The following MKKS variants were observed in gnomAD, a reference collection of about 807,000 sequenced individuals.
MKKS encodes the protein MKKS centrosomal shuttling protein, also known as molecular chaperone MKKS.
A neutral mutation model predicts 33.2 loss-of-function variants in MKKS; 29 were observed. That is an observed-to-expected ratio of 0.87 (90% CI 0.65 to 1.19). The LOEUF is 1.19. Ranked by LOEUF, MKKS falls within the 50% of genes most tolerant of loss-of-function variation. The pLI is 0.00. For synonymous variants in MKKS, 260 were observed against 244.0 expected (o/e 1.07, Z -0.61); for missense variants, 661 against 662.3 (o/e 1.00, Z 0.02).
intron 2 of MKKS, among the ~76,000 whole-genome samples, chr20:10,414,261 G>A (rs959852178): frequency 1.4e-5 from 2 of 143,102 alleles, no homozygotes; most frequent in South Asian, 4.7e-4. Context: ...TTAGGTCTCT[G>A]AGTCTTTTTT....
chr20:10,427,147 T>C (rs1182304600), intron 1 of MKKS, among the ~76,000 whole-genome samples: 1 of 151,284 alleles, frequency 6.6e-6, no homozygotes, highest in Non-Finnish European at 1.5e-5. Flanking sequence ...GATCTAGCCA[T>C]CAGATTATTC....
chr20:10,417,231 G>A (rs993883689), intron 2 of MKKS, among the ~76,000 whole-genome samples: 9 of 132,976 alleles, frequency 6.8e-5, no homozygotes, highest in African/African-American at 2.6e-4. Flanking sequence ...GGGTGACAGA[G>A]TGAGACTCCA....
At chr20:10,421,920 C>T (rs2064983230) in intron 1 of MKKS, among the ~76,000 whole-genome samples, 1 of 152,028 alleles carries the variant, frequency 6.6e-6, no homozygotes, top group Admixed American at 6.6e-5. Flanking sequence ...ACTGCTCCAC[C>T]ATCTATGAGA....
chr20:10,423,162 T>C (rs2064993139), intron 1 of MKKS, among the ~76,000 whole-genome samples: 1 of 152,000 alleles, frequency 6.6e-6, no homozygotes, highest in Non-Finnish European at 1.5e-5. Flanking sequence ...TAGGGCCAGG[T>C]GCAGTGGCTC....
Position 10,412,824 on chromosome 20 carries a change from A to G in MKKS, c.691T>C (p.Leu231=), listed in dbSNP as rs2064901670. Residue 231 remains leucine (L), a synonymous_variant, in exon 3 of 6, where the codon TTA becomes CTA. Coordinates refer to ENST00000347364, the MANE Select transcript of MKKS (RefSeq NM_170784.3). ...EMSEVQLMRL[L]PIKKSTALKV... is the part of the protein sequence containing the mutation. ...AGGGCAGTTGATTTTTTGATAGGTAATAGCCTCATTAATTGAACTTCTGAC... is the reference window on the plus strand; with the variant it reads ...AGGGCAGTTGATTTTTTGATAGGTAGTAGCCTCATTAATTGAACTTCTGAC... 6.2e-7 allele frequency: 1 copy of G among 1,614,066 alleles called. No individual in the cohort carries two copies. The highest frequency in any genetic ancestry group is 1.7e-5 in the Admixed American group (1 of 60,002).
intron 2 of MKKS, among the ~76,000 whole-genome samples, chr20:10,417,337 G>A (rs1281492241): frequency 1.3e-5 from 2 of 152,052 alleles, no homozygotes; most frequent in African/African-American, 2.4e-5. Context: ...CTGGCTAGAC[G>A]CAGTGGCTCT....
rs756283355 is a variant in MKKS, at chr20:10,412,876, A to C, written c.639T>G (p.Thr213=). Residue 213 remains threonine (T), a synonymous_variant, in exon 3 of 6, where the codon ACT becomes ACG. Transcript: ENST00000347364. The stretch of plus-strand genomic sequence containing the variant: ...TTTCAATGAGTATCCCAGGTAATAC[A>C]GTGGAATCTATAACTCTTTGACCTT... ...PLKGQRVIDS[T]VLPGILIEMS... 6.2e-7 allele frequency: 1 copy of C among 1,614,166 alleles called. No homozygotes were observed. Among genetic ancestry groups the C allele is most frequent in the South Asian group, 1.1e-5 (1 of 91,078 alleles).
At position 10,403,301 on chromosome 20, in the gene MKKS, A is replaced by C. The variant is rs998991553; in HGVS notation, c.*1946T>G. ...GTATTCTATTCATTAGAAGCTAGTC[A>C]TTAGGTCCCACCTACACCCAGAGAG... is the stretch of plus-strand genomic sequence containing the variant. On this transcript the variant is annotated 3_prime_UTR_variant, in exon 6 of 6. Transcript: ENST00000347364. 1 of 152,160 alleles carries C rather than the reference A, an allele frequency of 6.6e-6. No individual in the cohort carries two copies. Among genetic ancestry groups the C allele is most frequent in the Non-Finnish European group, 1.5e-5 (1 of 68,028 alleles). 9.4% of individuals were successfully genotyped at this position (152,160 alleles called of 1,614,324 possible). A position where few individuals can be genotyped will look rare whatever the true frequency, so the allele number is the denominator to read the frequency against.
At chr20:10,419,152 T>C (rs1483253861) in intron 2 of MKKS, among the ~76,000 whole-genome samples, 1 of 152,156 alleles carries the variant, frequency 6.6e-6, no homozygotes, top group African/African-American at 2.4e-5. Context: ...GAGGTTCTTC[T>C]TCCATAAAGA....
chr20:10,404,927 T>G lies in MKKS; in HGVS notation c.*320A>C. 5.0e-6 allele frequency: 1 copy of G among 202,016 alleles called. No individual in the cohort carries two copies. Among genetic ancestry groups the G allele is most frequent in the Non-Finnish European group, 1.0e-5 (1 of 98,876 alleles). 12.5% of individuals were successfully genotyped at this position (202,016 alleles called of 1,614,324 possible). A position where few individuals can be genotyped will look rare whatever the true frequency, so the allele number is the denominator to read the frequency against. On this transcript the variant is annotated 3_prime_UTR_variant, in exon 6 of 6. Transcript: ENST00000347364. ...ATGTATATCCAAACTAGAGCATGGA[T>G]TAGGAGTCTTTTTTATTTGTTTGCT...
In MKKS at chr20:10,413,131, G is replaced by C; in HGVS notation, c.384C>G (p.Ile128Met). The change falls in exon 3 of 6, where the codon ATC becomes ATG. Residue 128 changes from isoleucine (I) to methionine (M), a missense_variant. Physicochemically the swap from Ile to Met is conservative, Grantham distance 10. Transcript: ENST00000347364. ...CACAGGTCTCAGACTTGAGATAACT[G>C]ATGCAAAGACTCAAAAGATGTTTAT... ...RLNKHLLSLC[I>M]SYLKSETCGC... 6.2e-7 allele frequency: 1 copy of C among 1,614,088 alleles called. No individual in the cohort carries two copies. Among genetic ancestry groups the C allele is most frequent in the African/African-American group, 1.3e-5 (1 of 75,054 alleles).
intron 2 of MKKS, among the ~76,000 whole-genome samples, chr20:10,418,685 T>C (rs1649059417): frequency 6.6e-6 from 1 of 152,168 alleles, no homozygotes; most frequent in Admixed American, 6.6e-5. Flanking sequence ...TCCAAGAGTA[T>C]TTCTTTTTGC....
intron 2 of MKKS, among the ~76,000 whole-genome samples, chr20:10,419,951 A>G (rs2064967786): frequency 1.3e-5 from 2 of 152,234 alleles, no homozygotes; most frequent in Admixed American, 1.3e-4. Context: ...ACTGCACTGC[A>G]AATTGCCTCA....
chr20:10,433,217 G>A (rs1297596179), intron 1 of MKKS, among the ~76,000 whole-genome samples: 2 of 152,222 alleles, frequency 1.3e-5, no homozygotes, highest in Admixed American at 6.5e-5. Context: ...CGTTGGCCTG[G>A]CTGGCCCCAA....
chr20:10,416,255 A>G (rs989819209), intron 2 of MKKS, among the ~76,000 whole-genome samples: 25 of 152,214 alleles, frequency 1.6e-4, no homozygotes, highest in African/African-American at 6.0e-4. Context: ...TGATTTAAAG[A>G]AAATACAAAC....
intron 2 of MKKS, 96 bp from the exon 3 acceptor site, chr20:10,414,027 T>A (rs2064918139): frequency 2.6e-6 from 1 of 387,360 alleles, no homozygotes; most frequent in Non-Finnish European, 4.5e-6. Flanking sequence ...GCTGCCTTTT[T>A]AGAAAAAGGA....
rs1456334218 is a variant in MKKS at position 10,413,816 on chromosome 20, A to G, written c.-302T>C. On this transcript the variant is annotated 5_prime_UTR_variant, in exon 3 of 6. Coordinates refer to ENST00000347364, the MANE Select transcript of MKKS (RefSeq NM_170784.3). ...CAGACCTCTGCAAAAAGTATGTTCC[A>G]AGATGGACACCTATGAAAGATATCC... is the stretch of plus-strand genomic sequence containing the variant. 5.7e-6 allele frequency: 3 copies of G among 522,100 alleles called. No individual in the cohort carries two copies. Among genetic ancestry groups the G allele is most frequent in the African/African-American group, 5.7e-5 (3 of 52,394 alleles). 32.3% of individuals were successfully genotyped at this position (522,100 alleles called of 1,614,324 possible). A position where few individuals can be genotyped will look rare whatever the true frequency, so the allele number is the denominator to read the frequency against.
intron 1 of MKKS, among the ~76,000 whole-genome samples, chr20:10,428,595 C>T (rs954550583): frequency 6.6e-6 from 1 of 152,084 alleles, no homozygotes; most frequent in Admixed American, 6.6e-5. Context: ...TTCCAGCACT[C>T]GGGGAGGCTG....
chr20:10,430,902 G>A (rs1444441465), intron 1 of MKKS, among the ~76,000 whole-genome samples: 1 of 152,146 alleles, frequency 6.6e-6, no homozygotes, highest in East Asian at 1.9e-4. Flanking sequence ...ACACGCTGTT[G>A]GTCTGAAACA....
Sources: allele counts gnomAD v4.1 joint callset (sites outside exome capture counted in the v4.1 genomes callset), GRCh38; gene constraint gnomAD v4.1.1; transcripts MANE v1.5; gene names NCBI Gene and HGNC (gene_info 2026-07-23, HGNC 2026-07-21).